Variants in MFHAS1 observed in about 807,000 individuals in gnomAD.
The protein encoded by MFHAS1 is malignant fibrous histiocytoma-amplified sequence 1.
MFHAS1 carries 50 observed loss-of-function variants against 70.4 expected under a neutral mutation model. That is an observed-to-expected ratio of 0.71 (90% CI 0.57 to 0.90). The LOEUF (loss-of-function observed/expected upper bound fraction) is 0.90, where lower values mean the gene tolerates loss of function less well. Ranked by LOEUF, MFHAS1 falls within the 40% of genes least tolerant of loss-of-function variation. The probability of loss-of-function intolerance (pLI) is 0.00; values close to 1 mark genes in which losing one functional copy is unlikely to be tolerated. For synonymous variants in MFHAS1, 952 were observed against 620.0 expected (o/e 1.54, Z -7.96); for missense variants, 1,795 against 1,347.6 (o/e 1.33, Z -5.20).
chr8:8,822,695 G>T (rs1451896714), intron 1 of MFHAS1, among the ~76,000 whole-genome samples: 1 of 147,806 alleles, frequency 6.8e-6, no homozygotes. Context: ...CAAGTCAGGG[G>T]GACTGAGATG....
intron 1 of MFHAS1, among the ~76,000 whole-genome samples, chr8:8,829,389 T>C (rs1807284037): frequency 6.6e-6 from 1 of 152,198 alleles, no homozygotes; most frequent in Non-Finnish European, 1.5e-5. Context: ...CTATATCAGA[T>C]CGTGAGATCT....
At chr8:8,842,845 A>G (rs1807883272) in intron 1 of MFHAS1, among the ~76,000 whole-genome samples, 1 of 152,216 alleles carries the variant, frequency 6.6e-6, no homozygotes, top group Non-Finnish European at 1.5e-5. Flanking sequence ...AGGACACAGG[A>G]CGGATGCTCA....
chr8:8,800,112 C>T (rs939143990), intron 1 of MFHAS1, among the ~76,000 whole-genome samples: 11 of 152,190 alleles, frequency 7.2e-5, no homozygotes, highest in Non-Finnish European at 1.0e-4. Flanking sequence ...AATCTAAAAA[C>T]GCTATTTTTA....
intron 1 of MFHAS1, among the ~76,000 whole-genome samples, chr8:8,817,321 A>G (rs1563187322): frequency 6.6e-6 from 1 of 152,204 alleles, no homozygotes. Context: ...ATTACCTCCA[A>G]GCTCTTTGTT....
At chr8:8,861,013 G>A (rs931561812) in intron 1 of MFHAS1, among the ~76,000 whole-genome samples, 1 of 152,220 alleles carries the variant, frequency 6.6e-6, no homozygotes, top group African/African-American at 2.4e-5. Flanking sequence ...CCCTATTAGC[G>A]ATTATGACAG....
chr8:8,793,048 G>A (rs1805771921), intron 2 of MFHAS1, among the ~76,000 whole-genome samples: 1 of 152,162 alleles, frequency 6.6e-6, no homozygotes, highest in African/African-American at 2.4e-5. Flanking sequence ...GTTTCTCCCT[G>A]GAGGGTGAGG....
At position 8,891,286 on chromosome 8, in the gene MFHAS1, G is replaced by C. The variant is rs772985216; in HGVS notation, c.1773C>G (p.Pro591=). 8 of 1,611,772 alleles carry C rather than the reference G, an allele frequency of 5.0e-6. No individual in the cohort carries two copies. The highest frequency in any genetic ancestry group is 4.4e-5 in the South Asian group (4 of 91,090). The change falls in exon 1 of 3, where the codon CCC becomes CCG. Residue 591 remains proline (P), a synonymous_variant. Coordinates refer to ENST00000276282, the MANE Select transcript of MFHAS1 (RefSeq NM_004225.3). This position sits in a 1 kb window ranked among gnomAD's most constrained non-coding sequence, Gnocchi z 5.4. The part of the protein sequence containing the change: ...ARDFELRSAS[P]HAAYYGVSDK... Reference sequence around the variant, plus strand: ...CCGAAACGCCATAGTAGGCTGCGTGGGGGCTGGCAGAGCGCAGCTCGAAGT... The same window carrying C: ...CCGAAACGCCATAGTAGGCTGCGTGCGGGCTGGCAGAGCGCAGCTCGAAGT...
chr8:8,800,258 CA>C (rs1260655773), intron 1 of MFHAS1, among the ~76,000 whole-genome samples: 2 of 152,276 alleles, frequency 1.3e-5, no homozygotes, highest in Non-Finnish European at 2.9e-5. Context: ...CAAACTGCTA[CA>C]AAAGTTAATT....
At chr8:8,874,302 C>T (rs1228673687) in intron 1 of MFHAS1, among the ~76,000 whole-genome samples, 1 of 149,706 alleles carries the variant, frequency 6.7e-6, no homozygotes, top group Non-Finnish European at 1.5e-5. Flanking sequence ...GACTACTATG[C>T]TATATTTGTA....
At chr8:8,837,294 G>A (rs1387597480) in intron 1 of MFHAS1, among the ~76,000 whole-genome samples, 1 of 152,134 alleles carries the variant, frequency 6.6e-6, no homozygotes. Flanking sequence ...AAAAAGCAAT[G>A]CAGCAAAGGA....
chr8:8,798,263 G>A (rs898638762), intron 1 of MFHAS1, among the ~76,000 whole-genome samples: 3 of 152,154 alleles, frequency 2.0e-5, no homozygotes, highest in Non-Finnish European at 4.4e-5. Flanking sequence ...TCAAGAAACA[G>A]CTCCTGGCTG....
chr8:8,883,421 C>T (rs1027199452), intron 1 of MFHAS1, among the ~76,000 whole-genome samples: 3 of 151,630 alleles, frequency 2.0e-5, no homozygotes, highest in African/African-American at 7.3e-5. Context: ...AAAAGGGCTC[C>T]CATGGGCCAG....
chr8:8,865,671 G>A (rs984570308), intron 1 of MFHAS1, among the ~76,000 whole-genome samples: 6 of 152,232 alleles, frequency 3.9e-5, no homozygotes, highest in African/African-American at 1.2e-4. Flanking sequence ...TACTCAAGGT[G>A]AGGCTCCTAT....
intron 1 of MFHAS1, among the ~76,000 whole-genome samples, chr8:8,813,004 T>A (rs114821753): frequency 1.3e-3 from 197 of 152,292 alleles, no homozygotes; most frequent in African/African-American, 4.5e-3. Flanking sequence ...TGACCTCAAG[T>A]GATCTGTCCA....
intron 2 of MFHAS1, 32 bp downstream of exon 2, chr8:8,797,333 G>C (rs749742487): frequency 4.3e-6 from 7 of 1,610,562 alleles, no homozygotes; most frequent in Non-Finnish European, 5.9e-6. Context: ...CAGGAGCCAG[G>C]TCCCGGGGCC....
At chr8:8,833,928 C>T (rs144700038) in intron 1 of MFHAS1, among the ~76,000 whole-genome samples, 244 of 152,216 alleles carry the variant, frequency 1.6e-3, no homozygotes, top group African/African-American at 5.5e-3. Flanking sequence ...GAGTTCAACA[C>T]CTGCCTGGCC....
At chr8:8,868,782 G>C (rs1199371260) in intron 1 of MFHAS1, among the ~76,000 whole-genome samples, 1 of 152,056 alleles carries the variant, frequency 6.6e-6, no homozygotes, top group Non-Finnish European at 1.5e-5. Context: ...CTTACAACTG[G>C]CTTCCACCCA....
chr8:8,789,849 C>T (rs1368704420), intron 2 of MFHAS1, among the ~76,000 whole-genome samples: 5 of 152,122 alleles, frequency 3.3e-5, no homozygotes, highest in South Asian at 2.1e-4. Context: ...AGGTGCCAGA[C>T]GACTAAGGCA....
intron 1 of MFHAS1, among the ~76,000 whole-genome samples, chr8:8,830,679 T>C (rs1807352739): frequency 6.6e-6 from 1 of 152,192 alleles, no homozygotes; most frequent in South Asian, 2.1e-4. Flanking sequence ...CTTGGCTCAG[T>C]GCAACCTCCG....
Sources: gnomAD v4.1 joint callset for allele counts (sites outside exome capture counted in the v4.1 genomes callset) on GRCh38, gnomAD v4.1.1 for gene constraint, Gnocchi (gnomAD v3.1) non-coding constraint, MANE v1.5 for transcripts, NCBI Gene and HGNC (gene_info 2026-07-23, HGNC 2026-07-21) for gene names.